The following EPB41L4A variants were observed in gnomAD, a reference collection of about 807,000 sequenced individuals.
EPB41L4A encodes the protein erythrocyte membrane protein band 4.1 like 4A.
Under a neutral mutation model 108.6 loss-of-function variants are expected in EPB41L4A, and 100 were observed. The ratio of observed to expected loss-of-function variants is 0.92; its 90% CI spans 0.78 to 1.09. The LOEUF (loss-of-function observed/expected upper bound fraction) is 1.09. Among genes scored for constraint, EPB41L4A ranks in the 50% least tolerant of loss-of-function variants. The probability of loss-of-function intolerance (pLI) is 0.00; values close to 1 mark genes in which losing one functional copy is unlikely to be tolerated. For missense variants in EPB41L4A, 1,030 were observed against 842.7 expected (o/e 1.22, Z -2.75); for synonymous variants, 319 against 289.0 (o/e 1.10, Z -1.05).
chr5:112,372,213 T>C (rs1181993112), intron 1 of EPB41L4A, among the ~76,000 whole-genome samples: 3 of 152,288 alleles, frequency 2.0e-5, no homozygotes, highest in Admixed American at 1.3e-4. Flanking sequence ...CTTACAATCA[T>C]GGCAGAAGGC....
intron 12 of EPB41L4A, among the ~76,000 whole-genome samples, chr5:112,155,890 C>T (rs76402185): frequency 6.6e-6 from 1 of 151,864 alleles, no homozygotes; most frequent in East Asian, 1.9e-4. Context: ...TTGATCAGAA[C>T]GTCTGATTTT....
chr5:112,148,390 CATTT>C (rs1185956418), intron 12 of EPB41L4A, among the ~76,000 whole-genome samples: 3 of 151,560 alleles, frequency 2.0e-5, no homozygotes, highest in Admixed American at 6.6e-5. Context: ...CTTTTAATTA[CATTT>C]ATTATAAGAA....
intron 1 of EPB41L4A, among the ~76,000 whole-genome samples, chr5:112,392,359 A>C (rs1284397142): frequency 1.3e-5 from 2 of 151,204 alleles, no homozygotes; most frequent in Non-Finnish European, 2.9e-5. Flanking sequence ...ACATAGGCTC[A>C]AAATAAAGGG....
At chr5:112,282,601 C>G (rs1389320965) in intron 2 of EPB41L4A, among the ~76,000 whole-genome samples, 2 of 152,268 alleles carry the variant, frequency 1.3e-5, no homozygotes, top group Admixed American at 6.5e-5. Context: ...GGACCGTATT[C>G]CCTAGAGCAC....
rs369581817 is a variant in EPB41L4A, at chr5:112,294,225, T to C, written c.204+13161A>G. The stretch of plus-strand genomic sequence containing the variant: ...TCTTTTTTTTTAAATGTAAGTTAAA[T>C]CTGGTTAAAATGAACAGCAGGAGAG... On this transcript the variant is annotated intron_variant, in intron 2 of 22. Coordinates refer to ENST00000261486, the MANE Select transcript of EPB41L4A (RefSeq NM_022140.5). Among the ~76,000 whole-genome samples, 18 of 152,262 alleles carry C rather than the reference T, an allele frequency of 1.2e-4. No individual in the cohort carries two copies. The East Asian group carries it at 1.7e-3, about 15-fold the overall frequency.
intron 17 of EPB41L4A, among the ~76,000 whole-genome samples, chr5:112,193,122 C>G (rs1761786638): frequency 6.6e-6 from 1 of 152,322 alleles, no homozygotes; most frequent in East Asian, 1.9e-4. Context: ...GAAGGCTCCA[C>G]ATAGAATGCT....
intron 1 of EPB41L4A, among the ~76,000 whole-genome samples, chr5:112,389,910 C>A (rs1158305454): frequency 6.6e-6 from 1 of 152,198 alleles, no homozygotes; most frequent in Non-Finnish European, 1.5e-5. Flanking sequence ...GGAGGCTACA[C>A]AACCAGGGCA....
intron 1 of EPB41L4A, among the ~76,000 whole-genome samples, chr5:112,374,790 A>G (rs1162601843): frequency 6.6e-6 from 1 of 152,198 alleles, no homozygotes; most frequent in African/African-American, 2.4e-5. Context: ...AATTTAAAAC[A>G]TTATTTTTCT....
chr5:112,173,022 G>C (rs1181384869), intron 18 of EPB41L4A, among the ~76,000 whole-genome samples: 1 of 152,198 alleles, frequency 6.6e-6, no homozygotes, highest in East Asian at 1.9e-4. Context: ...AATGTCTGTA[G>C]ACAATGTCCC....
chr5:112,219,742 C>A (rs1747913276), intron 12 of EPB41L4A, among the ~76,000 whole-genome samples: 1 of 152,164 alleles, frequency 6.6e-6, no homozygotes, highest in Non-Finnish European at 1.5e-5. Context: ...GTTGCCTACG[C>A]TGGAGTGCAA....
chr5:112,365,952 T>C (rs1159717594), intron 1 of EPB41L4A, among the ~76,000 whole-genome samples: 1 of 152,162 alleles, frequency 6.6e-6, no homozygotes, highest in Non-Finnish European at 1.5e-5. Flanking sequence ...TTAGCCTTTA[T>C]CTCCCCATTT....
intron 3 of EPB41L4A, among the ~76,000 whole-genome samples, chr5:112,278,558 T>C (rs901529079): frequency 3.3e-5 from 5 of 152,032 alleles, no homozygotes; most frequent in African/African-American, 1.2e-4. Context: ...CTTATGCAAA[T>C]TTTTAATATT....
chr5:112,198,054 A>G (rs1762046186), intron 15 of EPB41L4A, among the ~76,000 whole-genome samples: 1 of 150,746 alleles, frequency 6.6e-6, no homozygotes, highest in Non-Finnish European at 1.5e-5. Flanking sequence ...TTTTTTTGAG[A>G]CGGAGTTTCA....
At chr5:112,230,651 C>T (rs974650076) in intron 12 of EPB41L4A, among the ~76,000 whole-genome samples, 5 of 151,870 alleles carry the variant, frequency 3.3e-5, no homozygotes, top group Non-Finnish European at 7.4e-5. Context: ...GCATAGTTTG[C>T]GAATATTTTC....
At chr5:112,208,304 T>C (rs1320871888) in intron 13 of EPB41L4A, among the ~76,000 whole-genome samples, 1 of 144,624 alleles carries the variant, frequency 6.9e-6, no homozygotes, top group African/African-American at 2.6e-5. Context: ...CTATTCACAA[T>C]AGCAAGGACA....
intron 1 of EPB41L4A, among the ~76,000 whole-genome samples, chr5:112,366,394 A>T (rs923183136): frequency 3.3e-5 from 5 of 152,282 alleles, no homozygotes; most frequent in Non-Finnish European, 7.4e-5. Context: ...TATGAGGTTA[A>T]CTATCTACAA....
intron 3 of EPB41L4A, among the ~76,000 whole-genome samples, 176 bp from the exon 4 acceptor site, chr5:112,275,580 C>A (rs547032283): frequency 2.1e-4 from 32 of 152,242 alleles, no homozygotes; most frequent in Admixed American, 6.5e-4. Context: ...CACATACACA[C>A]ACACAGATAA....
chr5:112,346,434 G>T (rs1385381687), intron 1 of EPB41L4A, among the ~76,000 whole-genome samples: 1 of 151,816 alleles, frequency 6.6e-6, no homozygotes, highest in Non-Finnish European at 1.5e-5. Flanking sequence ...ATGTTGGTCA[G>T]GATGGTCTCA....
chr5:112,239,779 T>C (rs1434786126), intron 10 of EPB41L4A, 42 bp from the exon 11 acceptor site: 4 of 1,429,012 alleles, frequency 2.8e-6, no homozygotes, highest in Middle Eastern at 3.5e-4. Flanking sequence ...GACTCAATGT[T>C]ATAGGCATTC....
Sources: allele counts gnomAD v4.1 joint callset (sites outside exome capture counted in the v4.1 genomes callset), GRCh38; gene constraint gnomAD v4.1.1; transcripts MANE v1.5; gene names NCBI Gene and HGNC (gene_info 2026-07-23, HGNC 2026-07-21).